The following ADGRG1 variants were observed in gnomAD, a reference collection of about 807,000 sequenced individuals.
ADGRG1 encodes the protein adhesion G protein-coupled receptor G1, also known as 7-transmembrane protein with no EGF-like N-terminal domains-1.
Under a neutral mutation model 73.5 loss-of-function variants are expected in ADGRG1, and 53 were observed. The observed-to-expected ratio is 0.72, with a 90% CI of 0.58 to 0.91. The LOEUF (loss-of-function observed/expected upper bound fraction) is 0.91. Ranked by LOEUF, ADGRG1 falls within the 40% of genes least tolerant of loss-of-function variation. The probability of loss-of-function intolerance (pLI) is 0.00; values close to 1 mark genes in which losing one functional copy is unlikely to be tolerated. For synonymous variants in ADGRG1, 394 were observed against 374.4 expected (o/e 1.05, Z -0.60); for missense variants, 795 against 871.8 (o/e 0.91, Z 1.11).
At chr16:57,630,969 GT>G in intron 1 of ADGRG1, 3 of 985,832 alleles carry the variant, frequency 3.0e-6, no homozygotes, top group Non-Finnish European at 3.6e-6. Context: ...AATCTGCTCT[GT>G]GGGGGGGAAG....
chr16:57,639,148 C>A, intron 1 of ADGRG1: 5 of 401,616 alleles, frequency 1.2e-5, no homozygotes, highest in Non-Finnish European at 1.7e-5. Flanking sequence ...TGGGGCTCTG[C>A]CTCTCTCGAG....
At chr16:57,647,875 T>C (rs1339542082) in intron 1 of ADGRG1, 1 of 537,388 alleles carries the variant, frequency 1.9e-6, no homozygotes, top group Admixed American at 6.4e-5. Flanking sequence ...CTTCCAATGA[T>C]GGGGAGCTCT....
chr16:57,659,380 A>G lies in ADGRG1; in HGVS notation c.1287-33A>G. The G allele has an allele frequency of 6.2e-7, 1 of 1,613,046 alleles. No homozygotes were observed. Among genetic ancestry groups the G allele is most frequent in the South Asian group, 1.1e-5 (1 of 91,082 alleles). On this transcript the variant is annotated intron_variant, in intron 10 of 13. Coordinates refer to ENST00000562631, the MANE Select transcript of ADGRG1 (RefSeq NM_201525.4). ...GGCACACTCCCCTCTCTACCTTCCC[A>G]CACTGGCCCACCAGGGTGCCCCTGC... is the stretch of plus-strand genomic sequence containing the variant.
rs2148247521 is a variant in ADGRG1, at chr16:57,651,618, C to T, written c.483C>T (p.Phe161=). 6.2e-7 allele frequency: 1 copy of T among 1,613,584 alleles called. No individual in the cohort carries two copies. The highest frequency in any genetic ancestry group is 1.3e-5 in the African/African-American group (1 of 75,052). Residue 161 remains phenylalanine (F), a synonymous_variant, in exon 3 of 14, where the codon TTC becomes TTT. Transcript: ENST00000562631. ...LPSAASFTFS[F]HSPPHTAAHN... is the part of the protein sequence containing the mutation. ...GTGCCGCCAGCTTCACCTTCTCCTT[C>T]CACAGTAAGGCAACTTCCAGGCGGA...
At chr16:57,620,289 G>A (rs1303773435), upstream of ADGRG1, among the ~76,000 whole-genome samples, 4 of 152,204 alleles carry the variant, frequency 2.6e-5, no homozygotes, top group Non-Finnish European at 4.4e-5. Context: ...AGGGTACTGG[G>A]CGTCTCTCAG....
rs746735615 is a variant in ADGRG1 at position 57,656,527 on chromosome 16, G to A, written c.1077G>A (p.Gly359=). The A allele has an allele frequency of 1.2e-5, 20 of 1,613,042 alleles. No homozygotes were observed. Among genetic ancestry groups the A allele is most frequent in the Middle Eastern group, 1.6e-4 (1 of 6,082 alleles). The change falls in exon 9 of 14, where the codon GGG becomes GGA. Residue 359 remains glycine (G), a synonymous_variant. Transcript: ENST00000562631. The part of the protein sequence containing the change: ...WVEDPTLSSP[G]HWSSAGCETV... Reference sequence around the variant, plus strand: ...TCCCCTCCTCAGTGAGCAGCCCGGGGCATTGGAGCAGTGCTGGGTGTGAGA... The same window carrying A: ...TCCCCTCCTCAGTGAGCAGCCCGGGACATTGGAGCAGTGCTGGGTGTGAGA...
At chr16:57,659,320 G>A (rs1304147194) in intron 10 of ADGRG1, 93 bp from the exon 11 acceptor site, 1 of 1,601,620 alleles carries the variant, frequency 6.2e-7, no homozygotes, top group East Asian at 2.2e-5. Context: ...GTCGGGGTGG[G>A]GGGCAGTCTG....
At chr16:57,642,567 G>A (rs2041128539) in intron 1 of ADGRG1, 3 of 965,922 alleles carry the variant, frequency 3.1e-6, no homozygotes, top group Non-Finnish European at 3.7e-6. Context: ...AAGCTTTATG[G>A]GTTTCTTTCC....
At chr16:57,624,379 T>C (rs1008853912), upstream of ADGRG1, 1 of 153,188 alleles carries the variant, frequency 6.5e-6, no homozygotes. Flanking sequence ...GGCATGCCTA[T>C]AGTCCTAGCT....
chr16:57,627,164 G>A (rs1853310448), upstream of ADGRG1: 1 of 862,540 alleles, frequency 1.2e-6, no homozygotes, highest in Admixed American at 6.2e-5. Context: ...TTTCAAGCAG[G>A]TAGGTGAGGA....
intron 1 of ADGRG1, among the ~76,000 whole-genome samples, chr16:57,638,316 G>C (rs142917647): frequency 8.2e-4 from 125 of 152,300 alleles, no homozygotes; most frequent in Middle Eastern, 3.4e-3. Flanking sequence ...CCGAGTCTCT[G>C]TTTCCCAATC....
intron 7 of ADGRG1, 61 bp downstream of exon 7, chr16:57,656,053 C>T: frequency 1.9e-6 from 3 of 1,613,688 alleles, no homozygotes; most frequent in Non-Finnish European, 2.5e-6. Context: ...CCTTTCCTCT[C>T]CCTCCCTCCA....
Position 57,656,572 on chromosome 16 carries a change from A to G in ADGRG1, c.1122A>G (p.Gln374=), listed in dbSNP as rs376119406. ...GTGAGACCGTCAGGAGAGAAACCCA[A>G]ACATCCTGCTTCTGCAACCACTTGA... is the stretch of plus-strand genomic sequence containing the variant. ...AGCETVRRET[Q]TSCFCNHLTY... The change falls in exon 9 of 14, where the codon CAA becomes CAG. Residue 374 remains glutamine (Q), a synonymous_variant. Coordinates refer to ENST00000562631, the MANE Select transcript of ADGRG1 (RefSeq NM_201525.4). The G allele has an allele frequency of 1.5e-5, 25 of 1,613,784 alleles. No individual in the cohort carries two copies. The African/African-American group carries it at 2.9e-4, about 19-fold the overall frequency.
Position 57,653,974 on chromosome 16 carries a change from C to T in ADGRG1, c.621-12C>T. The T allele has an allele frequency of 6.2e-7, 1 of 1,613,806 alleles. No homozygotes were observed. Among genetic ancestry groups the T allele is most frequent in the Admixed American group, 1.7e-5 (1 of 60,028 alleles). On this transcript the variant is annotated splice_polypyrimidine_tract_variant and intron_variant, in intron 4 of 13. Coordinates refer to ENST00000562631, the MANE Select transcript of ADGRG1 (RefSeq NM_201525.4). ...CTCCCCACCATCACCACCGCTTTCT[C>T]CTCCCTGCCAGGCAGTTGCAGAGCC... is the stretch of plus-strand genomic sequence containing the variant.
In ADGRG1 at chr16:57,656,278, A is replaced by G. The variant is rs2045707593; in HGVS notation, c.1063+7A>G. The G allele has an allele frequency of 6.3e-7, 1 of 1,598,194 alleles. No homozygotes were observed. Among genetic ancestry groups the G allele is most frequent in the Non-Finnish European group, 8.5e-7 (1 of 1,169,868 alleles). ...TGGGTTGAAGACCCCACATGTGAGT[A>G]TGCAGGGGTCTCTGGGCTGGACAAG... On this transcript the variant is annotated splice_region_variant and intron_variant, in intron 8 of 13. Transcript: ENST00000562631.
chr16:57,663,667 C>A lies in ADGRG1; in HGVS notation c.*85C>A. 1 of 1,465,092 alleles carries A rather than the reference C, an allele frequency of 6.8e-7. No homozygotes were observed. The highest frequency in any genetic ancestry group is 9.4e-7 in the Non-Finnish European group (1 of 1,058,896). The allele number at this position is 1,465,092 out of a possible 1,614,324, so 90.8% of individuals were successfully genotyped here. A position where few individuals can be genotyped will look rare whatever the true frequency, so the allele number is the denominator to read the frequency against. On this transcript the variant is annotated 3_prime_UTR_variant, in exon 14 of 14. Coordinates refer to ENST00000562631, the MANE Select transcript of ADGRG1 (RefSeq NM_201525.4). Reference sequence around the variant, plus strand: ...GTGGCCCCCGAGCCCGGCCCAGCCCCAGGCCAGTCAGCCGCAGACTTTGGA... The same window carrying A: ...GTGGCCCCCGAGCCCGGCCCAGCCCAAGGCCAGTCAGCCGCAGACTTTGGA...
At chr16:57,655,332 TG>T in intron 5 of ADGRG1, 66 bp from the exon 6 acceptor site, 1 of 1,599,796 alleles carries the variant, frequency 6.3e-7, no homozygotes, top group Non-Finnish European at 8.5e-7. Flanking sequence ...TGTGTGTGTG[TG>T]TGCTAGGGTG....
chr16:57,622,867 G>A (rs1596912894), upstream of ADGRG1: 1 of 985,414 alleles, frequency 1.0e-6, no homozygotes, highest in Non-Finnish European at 1.2e-6. Context: ...GACCTTGGAG[G>A]CCCAGCCAGC....
intron 1 of ADGRG1, chr16:57,629,994 G>C: frequency 2.0e-6 from 2 of 985,286 alleles, no homozygotes; most frequent in Non-Finnish European, 2.4e-6. Flanking sequence ...TTGTAGCCTG[G>C]GGTCCACGGG....
Sources: gnomAD v4.1 joint callset for allele counts (sites outside exome capture counted in the v4.1 genomes callset) on GRCh38, gnomAD v4.1.1 for gene constraint, MANE v1.5 for transcripts, NCBI Gene and HGNC (gene_info 2026-07-23, HGNC 2026-07-21) for gene names.